ELL: variants seen among roughly 807,000 people sequenced by gnomAD.
ELL encodes RNA polymerase II elongation factor ELL.
A neutral mutation model predicts 64.0 loss-of-function variants in ELL; 18 were observed. The ratio of observed to expected loss-of-function variants is 0.28; its 90% CI spans 0.19 to 0.42. The LOEUF is 0.42. ELL is among the 10% of genes least tolerant of loss of function. The probability of loss-of-function intolerance (pLI) is 1.00; values close to 1 mark genes in which losing one functional copy is unlikely to be tolerated. For synonymous variants in ELL, 399 were observed against 376.2 expected (o/e 1.06, Z -0.70); for missense variants, 797 against 870.4 (o/e 0.92, Z 1.06).
intron 8 of ELL, among the ~76,000 whole-genome samples, chr19:18,447,672 G>A (rs1001296713): frequency 1.3e-5 from 2 of 152,238 alleles, no homozygotes; most frequent in African/African-American, 4.8e-5. Context: ...AGACTGAAGT[G>A]CGCGTCGCCT....
intron 6 of ELL, among the ~76,000 whole-genome samples, chr19:18,452,258 T>C (rs1974556462): frequency 6.6e-6 from 1 of 152,080 alleles, no homozygotes; most frequent in Admixed American, 6.5e-5. Context: ...CCGGGGGCTG[T>C]GCCATCTCAG....
chr19:18,506,955 G>A, intron 1 of ELL, among the ~76,000 whole-genome samples: 1 of 152,166 alleles, frequency 6.6e-6, no homozygotes, highest in Admixed American at 6.5e-5. Flanking sequence ...CCTACAAGAT[G>A]GAAGCGATTC....
At chr19:18,482,227 G>C (rs1211426177) in intron 1 of ELL, among the ~76,000 whole-genome samples, 1 of 138,812 alleles carries the variant, frequency 7.2e-6, no homozygotes, top group African/African-American at 2.7e-5. Flanking sequence ...ACTAAGTTTT[G>C]AGGTTTTTTT....
chr19:18,460,196 G>A (rs1159650544), intron 5 of ELL, among the ~76,000 whole-genome samples: 3 of 152,150 alleles, frequency 2.0e-5, no homozygotes, highest in Non-Finnish European at 2.9e-5. Flanking sequence ...CATGTCTGAG[G>A]GCCTGTGAGG....
chr19:18,456,046 G>A (rs566546810), intron 6 of ELL, among the ~76,000 whole-genome samples: 6 of 151,486 alleles, frequency 4.0e-5, no homozygotes, highest in East Asian at 3.9e-4. Context: ...GCTGTGAGCC[G>A]AGATCGCGCC....
intron 1 of ELL, among the ~76,000 whole-genome samples, chr19:18,492,135 A>T (rs1600483994): frequency 6.6e-6 from 1 of 151,784 alleles, no homozygotes; most frequent in African/African-American, 2.4e-5. Flanking sequence ...CTGAGCCCCC[A>T]CTGAGACCAT....
rs113605571 is a variant in ELL, at chr19:18,517,433, T to C, written c.135+4488A>G. Among the ~76,000 whole-genome samples, 1,223 of 152,148 alleles carry C rather than the reference T, an allele frequency of 8.0e-3. 15 individuals are homozygous for C. The highest frequency in any genetic ancestry group is 0.027 in the African/African-American group (1,142 of 41,540). On this transcript the variant is annotated intron_variant, in intron 1 of 11. Transcript: ENST00000262809. ...CTGGCTAATTTTTTTGTATTTTTAG[T>C]AGAGACAGGTTTTCACCATATTGTC... is the stretch of plus-strand genomic sequence containing the variant.
chr19:18,500,333 T>A (rs1600492695), intron 1 of ELL, among the ~76,000 whole-genome samples: 1 of 150,898 alleles, frequency 6.6e-6, no homozygotes, highest in Non-Finnish European at 1.5e-5. Context: ...CTGAGACAGG[T>A]GTGACCATGA....
chr19:18,475,788 G>A (rs1291770527), intron 1 of ELL: 1 of 152,158 alleles, frequency 6.6e-6, no homozygotes, highest in African/African-American at 2.4e-5. Context: ...GCTGCAGCCG[G>A]GCGAGGGTAG....
intron 1 of ELL, among the ~76,000 whole-genome samples, chr19:18,506,025 T>G (rs777850354): frequency 1.3e-5 from 2 of 152,262 alleles, no homozygotes; most frequent in Middle Eastern, 3.4e-3. Flanking sequence ...CCCCCCATGC[T>G]GGCCCTCAGC....
chr19:18,470,437 T>C (rs1445912507), intron 2 of ELL, among the ~76,000 whole-genome samples: 1 of 152,212 alleles, frequency 6.6e-6, no homozygotes, highest in Non-Finnish European at 1.5e-5. Flanking sequence ...GAGGGCACTG[T>C]GGGGCTGCTC....
In ELL at chr19:18,450,633, T is replaced by C. The variant is rs768028855; in HGVS notation, c.1309A>G (p.Ser437Gly). 1.0e-5 allele frequency: 16 copies of C among 1,607,410 alleles called. No homozygotes were observed. The highest frequency in any genetic ancestry group is 1.3e-5 in the Non-Finnish European group (15 of 1,177,608). The change falls in exon 8 of 12, where the codon AGC becomes GGC. Residue 437 changes from serine to glycine, a missense_variant. Ser to Gly is a moderately conservative substitution (Grantham distance 56, BLOSUM62 0). Transcript: ENST00000262809. ...CGCGAGGGGCTGCCGTGTGGCCTGC[T>C]GGGCTGGGCACAGTCCGTCAGCAGG... ...LPLLTDCAQP[S>G]RPHGSPSRSK...
At chr19:18,516,009 A>G (rs1419282435) in intron 1 of ELL, among the ~76,000 whole-genome samples, 2 of 152,152 alleles carry the variant, frequency 1.3e-5, no homozygotes, top group Admixed American at 1.3e-4. Flanking sequence ...CACTAGCACT[A>G]GGTCTCTAAA....
rs1421056613 is a variant in ELL, at chr19:18,501,187, G to A, written c.135+20734C>T. Among the ~76,000 whole-genome samples the A allele has an allele frequency of 6.6e-6, 1 of 152,096 alleles. No homozygotes were observed. The highest frequency in any genetic ancestry group is 1.5e-5 in the Non-Finnish European group (1 of 68,024). On this transcript the variant is annotated intron_variant, in intron 1 of 11. Coordinates refer to ENST00000262809, the MANE Select transcript of ELL (RefSeq NM_006532.4). This position sits in a 1 kb window ranked among gnomAD's most constrained non-coding sequence, Gnocchi z 4.5. ...TCCAGGGGCCACGTAGACAACCTGTGACACAGTGAACCCCACTCCACGCCA... is the reference window on the plus strand; with the variant it reads ...TCCAGGGGCCACGTAGACAACCTGTAACACAGTGAACCCCACTCCACGCCA...
Position 18,446,372 on chromosome 19 carries a change from C to G in ELL, c.1641G>C (p.Thr547=). 2 of 1,609,744 alleles carry G rather than the reference C, an allele frequency of 1.2e-6. No individual in the cohort carries two copies. Among genetic ancestry groups the G allele is most frequent in the East Asian group, 2.2e-5 (1 of 44,714 alleles). Residue 547 remains threonine (T), a synonymous_variant, in exon 10 of 12, where the codon ACG becomes ACC. Coordinates refer to ENST00000262809, the MANE Select transcript of ELL (RefSeq NM_006532.4). ...GGGCGTCGAGCTGGGTGAACCGCCGCGTGATGCGCTCAATGCGGGCGTGCA... is the reference window on the plus strand; with the variant it reads ...GGGCGTCGAGCTGGGTGAACCGCCGGGTGATGCGCTCAATGCGGGCGTGCA... ...RDLHARIERI[T]RRFTQLDAQL...
chr19:18,490,327 G>A (rs1366940313), intron 1 of ELL, among the ~76,000 whole-genome samples: 1 of 152,026 alleles, frequency 6.6e-6, no homozygotes, highest in Non-Finnish European at 1.5e-5. Flanking sequence ...TGTTTCCTGA[G>A]AGTAAAAATA....
At chr19:18,475,400 C>T (rs1171956355) in intron 1 of ELL, among the ~76,000 whole-genome samples, 2 of 152,178 alleles carry the variant, frequency 1.3e-5, no homozygotes, top group African/African-American at 2.4e-5. Context: ...CCGTCGTGGG[C>T]GGGAGTGGAC....
Position 18,449,639 on chromosome 19 carries a change from CA to C in ELL, c.1465+837del, listed in dbSNP as rs1974480801. Among the ~76,000 whole-genome samples, 1 of 152,184 alleles carries C rather than the reference CA, an allele frequency of 6.6e-6. No homozygotes were observed. Among genetic ancestry groups the C allele is most frequent in the African/African-American group, 2.4e-5 (1 of 41,442 alleles). On this transcript the variant is annotated intron_variant, in intron 8 of 11. Transcript: ENST00000262809. This position sits in a 1 kb window ranked among gnomAD's most constrained non-coding sequence, Gnocchi z 4.4. ...CAGCCTCCTCCCCAGAGACACAACC[CA>C]AAAGCACAGCAGGTGACACCACCTG...
intron 1 of ELL, among the ~76,000 whole-genome samples, chr19:18,512,450 C>T (rs963100428): frequency 3.3e-5 from 5 of 152,062 alleles, no homozygotes; most frequent in Non-Finnish European, 5.9e-5. Context: ...CCACCCTGGG[C>T]AACATGGTGA....
Sources: allele counts gnomAD v4.1 joint callset (sites outside exome capture counted in the v4.1 genomes callset), GRCh38; gene constraint gnomAD v4.1.1; non-coding constraint Gnocchi (gnomAD v3.1); transcripts MANE v1.5; gene names NCBI Gene and HGNC (gene_info 2026-07-23, HGNC 2026-07-21).